Variants in LCK observed in about 807,000 individuals in gnomAD.
The protein encoded by LCK is LCK proto-oncogene, Src family tyrosine kinase.
A neutral mutation model predicts 64.6 loss-of-function variants in LCK; 14 were observed. That is an observed-to-expected ratio of 0.22 (90% CI 0.14 to 0.34). The LOEUF (loss-of-function observed/expected upper bound fraction) is 0.34, where lower values mean the gene tolerates loss of function less well. Among genes scored for constraint, LCK ranks in the 10% least tolerant of loss-of-function variants. The pLI is 1.00. For synonymous variants in LCK, 277 were observed against 263.6 expected (o/e 1.05, Z -0.49); for missense variants, 434 against 668.1 (o/e 0.65, Z 3.86).
In LCK at chr1:32,274,997, C is replaced by A. The variant is rs769566620; in HGVS notation, c.192C>A (p.Asn64Lys). Residue 64 changes from asparagine to lysine, a missense_variant, in exon 4 of 13, where the codon AAC (asparagine) becomes AAA (lysine). Around this residue, in one of 2 missense-constraint regions of LCK, gnomAD observed 233 missense variants for 291.2 expected, o/e 0.80. Coordinates refer to ENST00000336890, the MANE Select transcript of LCK (RefSeq NM_005356.5). ...SNPPASPLQD[N>K]LVIALHSYEP... ...TGATGCCCCTTGTCTTTACAGACAA[C>A]CTGGTTATCGCTCTGCACAGCTATG... The A allele has an allele frequency of 1.2e-6, 2 of 1,614,216 alleles. No homozygotes were observed. Among genetic ancestry groups the A allele is most frequent in the African/African-American group, 2.7e-5 (2 of 75,058 alleles).
chr1:32,261,516 C>G (rs1282180734), intron 1 of LCK, among the ~76,000 whole-genome samples: 1 of 149,802 alleles, frequency 6.7e-6, no homozygotes, highest in Admixed American at 6.7e-5. Flanking sequence ...CCTGGTGGAA[C>G]GTGACTGTAA....
At chr1:32,274,224 C>T (rs745984963) in intron 1 of LCK, 101 bp from the exon 2 acceptor site, 7 of 1,588,642 alleles carry the variant, frequency 4.4e-6, no homozygotes, top group Non-Finnish European at 5.1e-6. Context: ...CTCACAATCT[C>T]AGGTACTTTT....
intron 12 of LCK, among the ~76,000 whole-genome samples, chr1:32,281,921 T>G (rs967870252): frequency 4.6e-5 from 7 of 151,920 alleles, no homozygotes; most frequent in Admixed American, 1.3e-4. Flanking sequence ...TATATAAAAA[T>G]TATCTGGGCA....
chr1:32,260,019 TTTTTAA>T (rs1269461650), intron 1 of LCK, among the ~76,000 whole-genome samples: 1 of 151,862 alleles, frequency 6.6e-6, no homozygotes, highest in Non-Finnish European at 1.5e-5. Flanking sequence ...GATTCATTTT[TTTTTAA>T]TTTTATTTTT....
chr1:32,273,363 AGT>A (rs1050879409), intron 1 of LCK, among the ~76,000 whole-genome samples: 5 of 132,884 alleles, frequency 3.8e-5, no homozygotes, highest in Non-Finnish European at 8.1e-5. Flanking sequence ...TGTGTGTGAG[AGT>A]GTGTGTGTGT....
chr1:32,271,565 G>A (rs1028392100), intron 1 of LCK, among the ~76,000 whole-genome samples: 6 of 152,202 alleles, frequency 3.9e-5, no homozygotes, highest in Non-Finnish European at 7.3e-5. Context: ...CCAGGAGGCT[G>A]AAGTTAGAGG....
chr1:32,257,237 T>G (rs76936523), intron 1 of LCK, among the ~76,000 whole-genome samples: 4 of 148,214 alleles, frequency 2.7e-5, no homozygotes, highest in East Asian at 4.1e-4. Context: ...TAAGTCTTGT[T>G]TTTTTTTTTT....
chr1:32,260,238 C>T (rs1639734069), intron 1 of LCK, among the ~76,000 whole-genome samples: 1 of 152,110 alleles, frequency 6.6e-6, no homozygotes, highest in African/African-American at 2.4e-5. Context: ...GTCTCGATCT[C>T]TTGACCTCAT....
intron 1 of LCK, among the ~76,000 whole-genome samples, chr1:32,258,288 GAAA>G (rs770894871): frequency 1.6e-5 from 2 of 127,244 alleles, no homozygotes; most frequent in Non-Finnish European, 1.7e-5. Flanking sequence ...ATCTCTAAAG[GAAA>G]AAAAAAAAAA....
intron 1 of LCK, among the ~76,000 whole-genome samples, chr1:32,256,127 AATTT>A (rs761726513): frequency 6.6e-6 from 1 of 151,568 alleles, no homozygotes; most frequent in Non-Finnish European, 1.5e-5. Flanking sequence ...ATAACAATAC[AATTT>A]ATTTATTTAT....
chr1:32,270,250 C>CTT lies in LCK; in HGVS notation c.-5-4055_-5-4054dup, dbSNP rs1195979098. On this transcript the variant is annotated intron_variant, in intron 1 of 12. Transcript: ENST00000336890. ...TTCTCCAGCCACCATGCCCAGCTAACTTTTTTTTTTTTTTTTTTTTTGTAT... is the reference window on the plus strand; with the variant it reads ...TTCTCCAGCCACCATGCCCAGCTAACTTTTTTTTTTTTTTTTTTTTTTTGTAT... Among the ~76,000 whole-genome samples, 640 of 126,652 alleles carry CTT rather than the reference C, an allele frequency of 5.1e-3. 6 individuals are homozygous for CTT. The highest frequency in any genetic ancestry group is 0.017 in the African/African-American group (537 of 32,524). 83.1% of individuals were successfully genotyped at this position (126,652 alleles called of 152,430 possible).
At chr1:32,267,248 A>G (rs1639948690) in intron 1 of LCK, among the ~76,000 whole-genome samples, 1 of 152,160 alleles carries the variant, frequency 6.6e-6, no homozygotes. Context: ...ACCTCCCCCC[A>G]GGACTCCTAA....
At chr1:32,273,145 T>G (rs1418487947) in intron 1 of LCK, among the ~76,000 whole-genome samples, 1 of 52,532 alleles carries the variant, frequency 1.9e-5, no homozygotes, top group Non-Finnish European at 3.6e-5. Context: ...TGCCTGTGTG[T>G]GGGGGGTGAG....
chr1:32,285,584 A>G lies in LCK; in HGVS notation c.1398A>G (p.Pro466=), dbSNP rs759885748. The G allele has an allele frequency of 2.5e-6, 4 of 1,614,224 alleles. No individual in the cohort carries two copies. The highest frequency in any genetic ancestry group is 1.7e-5 in the Admixed American group (1 of 60,016). The change falls in exon 13 of 13, where the codon CCA becomes CCG. Residue 466 remains proline, a synonymous_variant. Transcript: ENST00000336890. Reference sequence around the variant, plus strand: ...GCATGGTGCGCCCTGACAACTGTCCAGAGGAGCTGTACCAACTCATGAGGC... The same window carrying G: ...GCATGGTGCGCCCTGACAACTGTCCGGAGGAGCTGTACCAACTCATGAGGC... ...GYRMVRPDNC[P]EELYQLMRLC...
At chr1:32,253,766 G>A (rs1639563869) in intron 1 of LCK, among the ~76,000 whole-genome samples, 1 of 152,110 alleles carries the variant, frequency 6.6e-6, no homozygotes, top group East Asian at 1.9e-4. Context: ...ACAGTGTGAG[G>A]AGTGTGAGAA....
Position 32,276,842 on chromosome 1 carries a change from C to G in LCK, c.964+56C>G. Reference sequence around the variant, plus strand: ...ATACTGCTCTCCCTGCTGTCCCTGCCAGAGGGTGGAAATACACCTTTTCTT... The same window carrying G: ...ATACTGCTCTCCCTGCTGTCCCTGCGAGAGGGTGGAAATACACCTTTTCTT... On this transcript the variant is annotated intron_variant, in intron 9 of 12. Coordinates refer to ENST00000336890, the MANE Select transcript of LCK (RefSeq NM_005356.5). This position sits in a 1 kb window ranked among gnomAD's most constrained non-coding sequence, Gnocchi z 4.6. 6.8e-7 allele frequency: 1 copy of G among 1,471,942 alleles called. No homozygotes were observed. The highest frequency in any genetic ancestry group is 1.3e-5 in the South Asian group (1 of 75,826). The allele number at this position is 1,471,942 out of a possible 1,614,324, so 91.2% of individuals were successfully genotyped here. A position where few individuals can be genotyped will look rare whatever the true frequency, so the allele number is the denominator to read the frequency against.
rs1553153481 is a variant in LCK at position 32,272,633 on chromosome 1, G to GAGAGAGAA, written c.-5-1685_-5-1684insAAGAGAGA. On this transcript the variant is annotated intron_variant, in intron 1 of 12. Transcript: ENST00000336890. The stretch of plus-strand genomic sequence containing the variant: ...AGAGAGAGAGAGAGAAAGAGAGAGA[G>GAGAGAGAA]AGAGAGAGAGAGAGAGCGAGAGAGC... 2.4e-3 allele frequency among the ~76,000 whole-genome samples: 354 copies of GAGAGAGAA among 147,176 alleles called. 1 individual carries two copies. The highest frequency in any genetic ancestry group is 9.1e-3 in the African/African-American group (335 of 36,692).
chr1:32,278,096 T>C (rs1209787663), intron 9 of LCK, among the ~76,000 whole-genome samples: 1 of 152,110 alleles, frequency 6.6e-6, no homozygotes, highest in Non-Finnish European at 1.5e-5. Context: ...GGAGGATCAC[T>C]TGAGCCCAGG....
intron 1 of LCK, among the ~76,000 whole-genome samples, chr1:32,256,992 A>C (rs1378429469): frequency 6.6e-6 from 1 of 152,204 alleles, no homozygotes; most frequent in Non-Finnish European, 1.5e-5. Context: ...AGTGCCAAAA[A>C]TCATGAAGGA....
Sources: allele counts gnomAD v4.1 joint callset (sites outside exome capture counted in the v4.1 genomes callset), GRCh38; gene constraint gnomAD v4.1.1; regional missense constraint gnomAD v4.1.1; non-coding constraint Gnocchi (gnomAD v3.1); transcripts MANE v1.5; gene names NCBI Gene and HGNC (gene_info 2026-07-23, HGNC 2026-07-21).